The following PDE6H variants were observed in gnomAD, a reference collection of about 807,000 sequenced individuals.
The protein encoded by PDE6H is retinal cone rhodopsin-sensitive cGMP 3',5'-cyclic phosphodiesterase subunit gamma.
A neutral mutation model predicts 9.2 loss-of-function variants in PDE6H; 11 were observed. The ratio of observed to expected loss-of-function variants is 1.19; its 90% CI spans 0.75 to 1.97. The LOEUF (loss-of-function observed/expected upper bound fraction) is 1.97. Ranked by LOEUF, PDE6H falls within the 30% of genes most tolerant of loss-of-function variation. The pLI, the probability that PDE6H is intolerant of heterozygous loss-of-function variation, is 0.00. For synonymous variants in PDE6H, 36 were observed against 33.6 expected (o/e 1.07, Z -0.25); for missense variants, 98 against 101.5 (o/e 0.97, Z 0.15).
chr12:14,973,134 G>A (rs1348334373), intron 1 of PDE6H, 48 bp downstream of exon 1: 1 of 152,244 alleles, frequency 6.6e-6, no homozygotes, highest in East Asian at 1.9e-4. Context: ...TAATTGAAGG[G>A]CTTTGGGGGG....
chr12:14,979,515 C>T (rs1222129573), intron 3 of PDE6H, among the ~76,000 whole-genome samples: 1 of 152,172 alleles, frequency 6.6e-6, no homozygotes, highest in African/African-American at 2.4e-5. Context: ...GAAAGATTTT[C>T]ATAATTCATC....
In PDE6H at chr12:14,978,133, A is replaced by G; in HGVS notation, c.121A>G (p.Lys41Glu). Reference sequence around the variant, plus strand: ...CCAATTCAAGAGTAAACCTCCAAAGAAAGGTGTGAAAGGGTAAGACCAAAA... The same window carrying G: ...CCAATTCAAGAGTAAACCTCCAAAGGAAGGTGTGAAAGGGTAAGACCAAAA... ...TRQFKSKPPK[K>E]GVKGFGDDIP... Residue 41 changes from lysine to glutamate, a missense_variant, in exon 2 of 4, where the codon AAA becomes GAA. Physicochemically the swap from Lys to Glu is moderately conservative, Grantham distance 56. Coordinates refer to ENST00000266395, the MANE Select transcript of PDE6H (RefSeq NM_006205.3). 6.2e-7 allele frequency: 1 copy of G among 1,613,678 alleles called. No homozygotes were observed. The highest frequency in any genetic ancestry group is 8.5e-7 in the Non-Finnish European group (1 of 1,179,874).
At chr12:14,977,342 A>T (rs1429704097) in intron 1 of PDE6H, among the ~76,000 whole-genome samples, 1 of 152,206 alleles carries the variant, frequency 6.6e-6, no homozygotes, top group African/African-American at 2.4e-5. Context: ...GAAGGACTAT[A>T]AAAAAACAGA....
chr12:14,979,934 A>G (rs1864655843), intron 3 of PDE6H, among the ~76,000 whole-genome samples: 1 of 152,134 alleles, frequency 6.6e-6, no homozygotes, highest in Non-Finnish European at 1.5e-5. Context: ...AACATCTTGT[A>G]TTAGTGTGAT....
chr12:14,981,464 TG>T lies in PDE6H; in HGVS notation c.243del (p.Ile82LeufsTer73), dbSNP rs1864683034. On this transcript the variant is annotated frameshift_variant, in exon 4 of 4. Transcript: ENST00000266395. LOFTEE classifies it high-confidence loss of function. The stretch of plus-strand genomic sequence containing the variant: ...TGGAATTGCATGAGCTCGCTCAGTT[TG>T]GGATTATCTGAAGTGCCAGAGGTTC... ...HLELHELAQF[G>X]II is the part of the protein sequence containing the mutation. The T allele has an allele frequency of 6.2e-7, 1 of 1,612,414 alleles. No homozygotes were observed.
chr12:14,978,104 C>T lies in PDE6H; in HGVS notation c.92C>T (p.Thr31Ile). 2 of 1,613,814 alleles carry T rather than the reference C, an allele frequency of 1.2e-6. No individual in the cohort carries two copies. The highest frequency in any genetic ancestry group is 8.5e-7 in the Non-Finnish European group (1 of 1,179,910). Residue 31 changes from threonine (T) to isoleucine (I), a missense_variant, in exon 2 of 4, where the codon ACT (threonine) becomes ATT (isoleucine). Physicochemically the swap from Thr to Ile is moderately conservative, Grantham distance 89 (BLOSUM62 -1). Transcript: ENST00000266395. Reference sequence around the variant, plus strand: ...CCTCCCAAGTTCAAGCAGAGGCAGACTCGCCAATTCAAGAGTAAACCTCCA... The same window carrying T: ...CCTCCCAAGTTCAAGCAGAGGCAGATTCGCCAATTCAAGAGTAAACCTCCA... ...KGPPKFKQRQTRQFKSKPPKK... is the reference protein window; with the variant it reads ...KGPPKFKQRQIRQFKSKPPKK...
rs556641112 is a variant in PDE6H, at chr12:14,978,084, C to G, written c.72C>G (p.Pro24=). Residue 24 remains proline (P), a synonymous_variant, in exon 2 of 4, where the codon CCC becomes CCG. Transcript: ENST00000266395. ...QGPTTPRKGP[P]KFKQRQTRQF... ...CTACCACCCCACGCAAAGGCCCTCC[C>G]AAGTTCAAGCAGAGGCAGACTCGCC... 4.3e-6 allele frequency: 7 copies of G among 1,613,726 alleles called. No individual in the cohort carries two copies. The East Asian group carries it at 1.3e-4, about 31-fold the overall frequency.
Position 14,978,023 on chromosome 12 carries a change from A to G in PDE6H, c.11A>G (p.Asn4Ser), listed in dbSNP as rs1421668540. MSD[N>S]TTLPAPASNQ... ...CCGGGGGGAGTTAAAATGAGTGACAACACTACTCTGCCTGCTCCAGCTTCA... is the reference window on the plus strand; with the variant it reads ...CCGGGGGGAGTTAAAATGAGTGACAGCACTACTCTGCCTGCTCCAGCTTCA... The change falls in exon 2 of 4, where the codon AAC becomes AGC. Residue 4 changes from asparagine (N) to serine (S), a missense_variant. Asn to Ser is a conservative substitution (Grantham distance 46). Transcript: ENST00000266395. The G allele has an allele frequency of 2.5e-6, 4 of 1,613,424 alleles. No homozygotes were observed. The highest frequency in any genetic ancestry group is 3.4e-6 in the Non-Finnish European group (4 of 1,179,952).
chr12:14,977,649 G>C (rs759949059), intron 1 of PDE6H, among the ~76,000 whole-genome samples: 1 of 152,114 alleles, frequency 6.6e-6, no homozygotes, highest in Non-Finnish European at 1.5e-5. Context: ...GTTTTCAGTG[G>C]CAGATCCATG....
intron 1 of PDE6H, among the ~76,000 whole-genome samples, chr12:14,976,525 G>T (rs1864598213): frequency 6.6e-6 from 1 of 152,076 alleles, no homozygotes; most frequent in Admixed American, 6.6e-5. Flanking sequence ...GAGGTTTGCA[G>T]TTAACAGTAT....
rs11056264 is a variant in PDE6H at position 14,973,069 on chromosome 12, G to T, written c.-59G>T. ...AAAGAAGGCAGCTGGGCAGCTGATAGGAACAACATTCAGCTCCGTGAGTAC... is the reference window on the plus strand; with the variant it reads ...AAAGAAGGCAGCTGGGCAGCTGATATGAACAACATTCAGCTCCGTGAGTAC... On this transcript the variant is annotated 5_prime_UTR_variant, in exon 1 of 4. The change creates a new upstream start codon in the 5' untranslated region. Coordinates refer to ENST00000266395, the MANE Select transcript of PDE6H (RefSeq NM_006205.3). 2 of 152,098 alleles carry T rather than the reference G, an allele frequency of 1.3e-5. No individual in the cohort carries two copies. Among genetic ancestry groups the T allele is most frequent in the Non-Finnish European group, 2.9e-5 (2 of 68,028 alleles). 9.4% of individuals were successfully genotyped at this position (152,098 alleles called of 1,614,324 possible).
At position 14,981,418 on chromosome 12, in the gene PDE6H, C is replaced by T. The variant is rs535586701; in HGVS notation, c.194C>T (p.Pro65Leu). ...CTTGCAGATATCACAGTGATTTGTCCATGGGAGGCATTCAGCCACCTGGAA... is the reference window on the plus strand; with the variant it reads ...CTTGCAGATATCACAGTGATTTGTCTATGGGAGGCATTCAGCCACCTGGAA... ...GLGTDITVIC[P>L]WEAFSHLELH... The change falls in exon 4 of 4, where the codon CCA (proline) becomes CTA (leucine). Residue 65 changes from proline to leucine, a missense_variant. Transcript: ENST00000266395. 3 of 1,612,026 alleles carry T rather than the reference C, an allele frequency of 1.9e-6. No individual in the cohort carries two copies. The highest frequency in any genetic ancestry group is 2.2e-5 in the East Asian group (1 of 44,870).
rs568270813 is a variant in PDE6H, at chr12:14,981,829, C to G, written c.*353C>G. On this transcript the variant is annotated 3_prime_UTR_variant, in exon 4 of 4. Transcript: ENST00000266395. Reference sequence around the variant, plus strand: ...AAGACAACATTTATGTCACTCCCCACCTCCTCATATTTAATAAAGGAGATA... The same window carrying G: ...AAGACAACATTTATGTCACTCCCCAGCTCCTCATATTTAATAAAGGAGATA... 1 of 356,028 alleles carries G rather than the reference C, an allele frequency of 2.8e-6. No individual in the cohort carries two copies. Among genetic ancestry groups the G allele is most frequent in the Admixed American group, 4.4e-5 (1 of 22,588 alleles). The allele number at this position is 356,028 out of a possible 1,614,324, so 22.1% of individuals were successfully genotyped here. A position where few individuals can be genotyped will look rare whatever the true frequency, so the allele number is the denominator to read the frequency against.
At position 14,979,279 on chromosome 12, in the gene PDE6H, C is replaced by T. The variant is rs1050636507; in HGVS notation, c.175+60C>T. The T allele has an allele frequency of 6.3e-6, 7 of 1,118,816 alleles. 1 individual carries two copies. Among genetic ancestry groups the T allele is most frequent in the African/African-American group, 1.5e-5 (1 of 65,376 alleles). 69.3% of individuals were successfully genotyped at this position (1,118,816 alleles called of 1,614,324 possible). On this transcript the variant is annotated intron_variant, in intron 3 of 3. Coordinates refer to ENST00000266395, the MANE Select transcript of PDE6H (RefSeq NM_006205.3). ...ACTTGGAGTTCTGCCTTTTTATATA[C>T]TTCAGGCCTCAAGGGGCAGTTGAAA...
chr12:14,980,600 A>G (rs147311038), intron 3 of PDE6H, among the ~76,000 whole-genome samples: 1 of 152,340 alleles, frequency 6.6e-6, no homozygotes, highest in Non-Finnish European at 1.5e-5. Context: ...GCCATGTTAT[A>G]AAGCAAATTT....
chr12:14,976,056 G>A (rs370888390), intron 1 of PDE6H, among the ~76,000 whole-genome samples: 40 of 152,128 alleles, frequency 2.6e-4, no homozygotes, highest in Middle Eastern at 3.4e-3. Context: ...TCCTGACCTC[G>A]TGATCCGCCC....
At chr12:14,979,606 T>C (rs1334249583) in intron 3 of PDE6H, among the ~76,000 whole-genome samples, 1 of 152,214 alleles carries the variant, frequency 6.6e-6, no homozygotes, top group Non-Finnish European at 1.5e-5. Flanking sequence ...CCAAGTGAAC[T>C]ATTGGAAATA....
At chr12:14,974,898 G>A (rs1188552634) in intron 1 of PDE6H, among the ~76,000 whole-genome samples, 1 of 152,202 alleles carries the variant, frequency 6.6e-6, no homozygotes, top group Admixed American at 6.5e-5. Flanking sequence ...CTCTCAGAAG[G>A]TCTAGCATAT....
At chr12:14,981,141 ACAGGGAACCCCC>A (rs1243315419) in intron 3 of PDE6H, among the ~76,000 whole-genome samples, 1 of 152,222 alleles carries the variant, frequency 6.6e-6, no homozygotes, top group African/African-American at 2.4e-5. Flanking sequence ...GCTGTACCCC[ACAGGGAACCCCC>A]CAGTCAACAG....
Sources: allele counts gnomAD v4.1 joint callset (sites outside exome capture counted in the v4.1 genomes callset), GRCh38; gene constraint gnomAD v4.1.1; transcripts MANE v1.5; gene names NCBI Gene and HGNC (gene_info 2026-07-23, HGNC 2026-07-21).